Variants in ELAVL2 observed in about 807,000 individuals in gnomAD.
The protein encoded by ELAVL2 is ELAV like RNA binding protein 2, also known as ELAV-like protein 2.
Under a neutral mutation model 34.6 loss-of-function variants are expected in ELAVL2, and 4 were observed. The ratio of observed to expected loss-of-function variants is 0.12; its 90% CI spans 0.06 to 0.26. The LOEUF (loss-of-function observed/expected upper bound fraction) is 0.26. Ranked by LOEUF, ELAVL2 falls within the 10% of genes least tolerant of loss-of-function variation. The pLI is 1.00. For missense variants in ELAVL2, 432 were observed against 442.8 expected, an observed-to-expected ratio of 0.98 and a Z score of 0.22; for synonymous variants, 193 against 154.8, an observed-to-expected ratio of 1.25 and a Z score of -1.83.
At chr9:23,788,354 T>C (rs1207514694) in intron 1 of ELAVL2, among the ~76,000 whole-genome samples, 1 of 152,152 alleles carries the variant, frequency 6.6e-6, no homozygotes, top group Non-Finnish European at 1.5e-5. Context: ...AATCCTATCA[T>C]CTCATTCAGT....
intron 2 of ELAVL2, among the ~76,000 whole-genome samples, chr9:23,731,919 C>T (rs2046670259): frequency 6.6e-6 from 1 of 152,160 alleles, no homozygotes; most frequent in South Asian, 2.1e-4. Flanking sequence ...TCCTGGTTCA[C>T]TGATGCCCTA....
At chr9:23,770,388 C>T (rs568693990) in intron 1 of ELAVL2, among the ~76,000 whole-genome samples, 3 of 152,298 alleles carry the variant, frequency 2.0e-5, no homozygotes, top group Admixed American at 1.3e-4. Context: ...TCAATGTCTA[C>T]ATCCTACTCC....
chr9:23,771,400 C>T (rs1159700490), intron 1 of ELAVL2, among the ~76,000 whole-genome samples: 1 of 151,576 alleles, frequency 6.6e-6, no homozygotes, highest in Non-Finnish European at 1.5e-5. Flanking sequence ...ACAGTTGTGC[C>T]TTAAAAGAAA....
rs368474984 is a variant in ELAVL2 at position 23,765,415 on chromosome 9, T to C, written c.-15-3166A>G. ...AAAAATAAAGTAAAATAAAGCAAAATACTGCAGGCTGTCTTATCTCTTAAG... is the reference window on the plus strand; with the variant it reads ...AAAAATAAAGTAAAATAAAGCAAAACACTGCAGGCTGTCTTATCTCTTAAG... On this transcript the variant is annotated intron_variant, in intron 1 of 6. Coordinates refer to ENST00000397312, the MANE Select transcript of ELAVL2 (RefSeq NM_004432.5). Among the ~76,000 whole-genome samples the C allele has an allele frequency of 1.8e-4, 27 of 152,166 alleles. 1 individual carries two copies. The South Asian group carries it at 5.6e-3, about 32-fold the overall frequency.
intron 1 of ELAVL2, among the ~76,000 whole-genome samples, chr9:23,772,632 C>A (rs867945339): frequency 6.6e-6 from 1 of 151,558 alleles, no homozygotes; most frequent in African/African-American, 2.4e-5. Flanking sequence ...GGATGCCATC[C>A]CAGGGCACAT....
At chr9:23,824,517 C>G (rs1313194073) in intron 1 of ELAVL2, among the ~76,000 whole-genome samples, 1 of 152,078 alleles carries the variant, frequency 6.6e-6, no homozygotes, top group African/African-American at 2.4e-5. Flanking sequence ...TAGCTTTTTC[C>G]CATCCTCTGC....
chr9:23,848,931 C>T, the ELAVL2 span, among the ~76,000 whole-genome samples: 1 of 152,162 alleles, frequency 6.6e-6, no homozygotes, highest in African/African-American at 2.4e-5. Flanking sequence ...CTCTCCATGG[C>T]AACAGCCCTG....
chr9:23,834,118 A>G, the ELAVL2 span, among the ~76,000 whole-genome samples: 2 of 152,014 alleles, frequency 1.3e-5, no homozygotes, highest in African/African-American at 4.8e-5. Flanking sequence ...AAATCAGATT[A>G]TATTTTACGA....
chr9:23,786,161 T>C (rs1469950159), intron 1 of ELAVL2, among the ~76,000 whole-genome samples: 4 of 152,162 alleles, frequency 2.6e-5, no homozygotes, highest in African/African-American at 9.7e-5. Context: ...AGAATTGCTG[T>C]GAAAGCCCAC....
intron 1 of ELAVL2, among the ~76,000 whole-genome samples, chr9:23,778,280 C>G (rs1468063035): frequency 6.6e-6 from 1 of 152,236 alleles, no homozygotes; most frequent in Non-Finnish European, 1.5e-5. Flanking sequence ...TAACTCTCCT[C>G]AACCTCCAGG....
rs574705659 is a variant in ELAVL2, at chr9:23,736,881, C to T, written c.230-5756G>A. 2.8e-3 allele frequency among the ~76,000 whole-genome samples: 423 copies of T among 152,268 alleles called. 1 individual carries two copies. The highest frequency in any genetic ancestry group is 4.9e-3 in the Non-Finnish European group (336 of 68,026). On this transcript the variant is annotated intron_variant, in intron 2 of 6. Coordinates refer to ENST00000397312, the MANE Select transcript of ELAVL2 (RefSeq NM_004432.5). ...TTTGCTCACTTCTACTTTCGCTCAT[C>T]TTCCACCACTCCTACACATACACCC...
Position 23,762,039 on chromosome 9 carries a change from C to G in ELAVL2, c.196G>C (p.Glu66Gln), listed in dbSNP as rs190734364. 12 of 1,613,158 alleles carry G rather than the reference C, an allele frequency of 7.4e-6. No homozygotes were observed. The highest frequency in any genetic ancestry group is 2.2e-5 in the East Asian group (1 of 44,846). ...KSLFGSIGEI[E>Q]SCKLVRDKIT... is the part of the protein sequence containing the mutation. ...TTGTCTCTTACAAGCTTACAGGACT[C>G]TATTTCACCAATGCTCCCAAAGAGA... Residue 66 changes from glutamate to glutamine, a missense_variant, in exon 2 of 7, where the codon GAG becomes CAG. Transcript: ENST00000397312.
At chr9:23,803,448 G>A (rs1159582150) in intron 1 of ELAVL2, among the ~76,000 whole-genome samples, 1 of 152,088 alleles carries the variant, frequency 6.6e-6, no homozygotes, top group Non-Finnish European at 1.5e-5. Flanking sequence ...TTCATTTGGG[G>A]GTTTACACCC....
intron 1 of ELAVL2, among the ~76,000 whole-genome samples, chr9:23,786,360 T>C (rs1377787440): frequency 1.3e-5 from 2 of 152,112 alleles, no homozygotes; most frequent in Admixed American, 6.6e-5. Context: ...AACCAGTAAA[T>C]GCTTATTTCA....
intron 1 of ELAVL2, among the ~76,000 whole-genome samples, chr9:23,781,680 A>C (rs1036211276): frequency 1.3e-5 from 2 of 151,510 alleles, no homozygotes; most frequent in African/African-American, 2.4e-5. Context: ...ACACCCCGCT[A>C]ATTTTTTAAA....
chr9:23,696,448 C>A (rs1051447788), intron 5 of ELAVL2, among the ~76,000 whole-genome samples: 1 of 152,174 alleles, frequency 6.6e-6, no homozygotes, highest in Admixed American at 6.5e-5. Context: ...GGTCTGTCCA[C>A]TGCTCAAGGA....
chr9:23,753,863 C>T (rs1372677028), intron 2 of ELAVL2, among the ~76,000 whole-genome samples: 4 of 152,150 alleles, frequency 2.6e-5, no homozygotes, highest in Non-Finnish European at 5.9e-5. Flanking sequence ...AGAATTTCAA[C>T]TGTAATTTTA....
chr9:23,720,906 C>T (rs1329041), intron 3 of ELAVL2, among the ~76,000 whole-genome samples: 51,549 of 151,952 alleles, frequency 0.34, 9,295 homozygotes, highest in African/African-American at 0.44. Context: ...TCAGTAAGTC[C>T]TGGTTGGGGT....
At chr9:23,721,594 G>C (rs1488491951) in intron 3 of ELAVL2, among the ~76,000 whole-genome samples, 2 of 152,160 alleles carry the variant, frequency 1.3e-5, no homozygotes, top group African/African-American at 4.8e-5. Flanking sequence ...GCAAGTATCA[G>C]ATTTCCTGTA....
Sources: allele counts gnomAD v4.1 joint callset (sites outside exome capture counted in the v4.1 genomes callset), GRCh38; gene constraint gnomAD v4.1.1; transcripts MANE v1.5; gene names NCBI Gene and HGNC (gene_info 2026-07-23, HGNC 2026-07-21).